FILIP1: variants seen among roughly 807,000 people sequenced by gnomAD.
The protein encoded by FILIP1 is filamin-A-interacting protein 1.
Under a neutral mutation model 102.1 loss-of-function variants are expected in FILIP1, and 61 were observed. The observed-to-expected ratio is 0.60, with a 90% CI of 0.49 to 0.74. The LOEUF (loss-of-function observed/expected upper bound fraction) is 0.74, where lower values mean the gene tolerates loss of function less well. Among genes scored for constraint, FILIP1 ranks in the 30% least tolerant of loss-of-function variants. FILIP1 has a pLI of 0.00. For synonymous variants in FILIP1, 491 were observed against 526.9 expected (o/e 0.93, Z 0.93); for missense variants, 1,314 against 1,441.2 (o/e 0.91, Z 1.43).
rs754512877 is a variant in FILIP1, at chr6:75,414,748, T to C, written c.225A>G (p.Leu75=). The change falls in exon 2 of 6, where the codon TTA becomes TTG. Residue 75 remains leucine (L), a synonymous_variant. Coordinates refer to ENST00000237172, the MANE Select transcript of FILIP1 (RefSeq NM_015687.5). ...CERKTKKSLE[L]SKEDLIQLLS... is the part of the protein sequence containing the mutation. Reference sequence around the variant, plus strand: ...GTAGTTGGATGAGGTCTTCTTTGGATAACTCCAGGGATTTCTTAGTTTTTC... The same window carrying C: ...GTAGTTGGATGAGGTCTTCTTTGGACAACTCCAGGGATTTCTTAGTTTTTC... The C allele has an allele frequency of 9.9e-6, 16 of 1,613,810 alleles. No homozygotes were observed. In the South Asian group the frequency reaches 1.6e-4, roughly 17 times the overall value.
intron 2 of FILIP1, among the ~76,000 whole-genome samples, chr6:75,379,027 G>GA (rs1457948801): frequency 1.3e-5 from 2 of 152,024 alleles, no homozygotes; most frequent in Non-Finnish European, 2.9e-5. Flanking sequence ...CATAATACCT[G>GA]AAAAAATGCT....
At chr6:75,426,038 T>C (rs544109930) in intron 1 of FILIP1, among the ~76,000 whole-genome samples, 1 of 152,178 alleles carries the variant, frequency 6.6e-6, no homozygotes, top group Admixed American at 6.5e-5. Context: ...TCTACTCAAC[T>C]GTACTATTGT....
chr6:75,336,952 G>A (rs1034279987), intron 4 of FILIP1, among the ~76,000 whole-genome samples: 1 of 152,124 alleles, frequency 6.6e-6, no homozygotes, highest in African/African-American at 2.4e-5. Context: ...AACAAGAAAC[G>A]TCCCACTATT....
chr6:75,335,934 C>T (rs1411310071), intron 4 of FILIP1, among the ~76,000 whole-genome samples: 4 of 151,874 alleles, frequency 2.6e-5, no homozygotes, highest in East Asian at 1.9e-4. Context: ...ATAATAATTA[C>T]TTCATGTTTC....
chr6:75,357,350 G>T (rs1359229580), intron 3 of FILIP1: 1 of 152,262 alleles, frequency 6.6e-6, no homozygotes, highest in Non-Finnish European at 1.5e-5. Flanking sequence ...GAAGTATCAA[G>T]TGTTCTGGGG....
chr6:75,440,970 C>A (rs1459472829), intron 1 of FILIP1, among the ~76,000 whole-genome samples: 3 of 149,592 alleles, frequency 2.0e-5, no homozygotes, highest in Non-Finnish European at 3.0e-5. Flanking sequence ...AAAGGTATGA[C>A]CGAAGAGTAA....
intron 4 of FILIP1, among the ~76,000 whole-genome samples, chr6:75,318,225 AGT>A (rs1252288115): frequency 1.4e-5 from 2 of 143,426 alleles, no homozygotes; most frequent in African/African-American, 2.6e-5. Context: ...ATTATTATAC[AGT>A]CTTTTTTTTT....
chr6:75,330,088 G>A lies in FILIP1; in HGVS notation c.630-14886C>T, dbSNP rs7747088. On this transcript the variant is annotated intron_variant, in intron 4 of 5. Coordinates refer to ENST00000237172, the MANE Select transcript of FILIP1 (RefSeq NM_015687.5). ...TTGTACAACTGCAGAGTCAGAGCCCGTCTTCACTTGAAATTTTGATATTTT... is the reference window on the plus strand; with the variant it reads ...TTGTACAACTGCAGAGTCAGAGCCCATCTTCACTTGAAATTTTGATATTTT... Among the ~76,000 whole-genome samples, 695 of 152,252 alleles carry A rather than the reference G, an allele frequency of 4.6e-3. 6 individuals carry two copies. Among genetic ancestry groups the A allele is most frequent in the African/African-American group, 0.016 (670 of 41,536 alleles).
chr6:75,426,171 G>A (rs901479434), intron 1 of FILIP1, among the ~76,000 whole-genome samples: 42 of 151,950 alleles, frequency 2.8e-4, no homozygotes, highest in African/African-American at 9.9e-4. Context: ...ATTTAAACTG[G>A]GAGAAATATA....
At chr6:75,435,738 T>C (rs1777996746) in intron 1 of FILIP1, among the ~76,000 whole-genome samples, 1 of 152,198 alleles carries the variant, frequency 6.6e-6, no homozygotes, top group Admixed American at 6.5e-5. Context: ...TTCTGCTGAG[T>C]GACTTTTCCC....
At chr6:75,341,158 T>G (rs1428647406) in intron 4 of FILIP1, among the ~76,000 whole-genome samples, 5 of 11,892 alleles carry the variant, frequency 4.2e-4, no homozygotes, top group African/African-American at 1.4e-3. Flanking sequence ...TTTTGTTTTG[T>G]TTTTTTTTTT....
At chr6:75,319,695 C>G (rs1224060958) in intron 4 of FILIP1, 2 of 331,958 alleles carry the variant, frequency 6.0e-6, no homozygotes, top group African/African-American at 2.2e-5. Context: ...CCGGGCGTAG[C>G]GGCGGGCGCC....
intron 2 of FILIP1, among the ~76,000 whole-genome samples, chr6:75,365,875 G>A (rs1332847314): frequency 6.6e-6 from 1 of 152,076 alleles, no homozygotes; most frequent in African/African-American, 2.4e-5. Context: ...AGAAAGTTCT[G>A]TCTTTTTTAT....
chr6:75,487,174 A>G (rs1407060148), intron 1 of FILIP1, among the ~76,000 whole-genome samples: 1 of 152,220 alleles, frequency 6.6e-6, no homozygotes, highest in Non-Finnish European at 1.5e-5. Flanking sequence ...TAAACAGTTA[A>G]TGAAACACAA....
intron 2 of FILIP1, among the ~76,000 whole-genome samples, chr6:75,390,254 C>T (rs1369391958): frequency 6.6e-6 from 1 of 152,150 alleles, no homozygotes; most frequent in Non-Finnish European, 1.5e-5. Context: ...ATCACTGCTT[C>T]CAAATAATTC....
intron 2 of FILIP1, among the ~76,000 whole-genome samples, chr6:75,372,634 AAAGAAAG>A (rs1308753386): frequency 1.0e-4 from 6 of 57,540 alleles, no homozygotes; most frequent in African/African-American, 5.6e-4. Flanking sequence ...AGAAAGAAAG[AAAGAAAG>A]AAAGAAAGAA....
intron 1 of FILIP1, among the ~76,000 whole-genome samples, chr6:75,439,344 C>A (rs1258990818): frequency 1.3e-5 from 2 of 148,168 alleles, no homozygotes; most frequent in South Asian, 2.2e-4. Context: ...CCAGCCTGGG[C>A]GACAAGAGCG....
At chr6:75,369,732 T>A (rs1775453713) in intron 2 of FILIP1, among the ~76,000 whole-genome samples, 1 of 152,222 alleles carries the variant, frequency 6.6e-6, no homozygotes, top group Admixed American at 6.5e-5. Context: ...AGCACTAAGA[T>A]TACTGAAAGA....
At chr6:75,345,815 C>T (rs1774561866) in intron 4 of FILIP1, among the ~76,000 whole-genome samples, 1 of 152,168 alleles carries the variant, frequency 6.6e-6, no homozygotes, top group African/African-American at 2.4e-5. Flanking sequence ...AACCCACCCA[C>T]ATGTGTCCAT....
Sources: allele counts gnomAD v4.1 joint callset (sites outside exome capture counted in the v4.1 genomes callset), GRCh38; gene constraint gnomAD v4.1.1; transcripts MANE v1.5; gene names NCBI Gene and HGNC (gene_info 2026-07-23, HGNC 2026-07-21).